ZNF724: variants seen among roughly 807,000 people sequenced by gnomAD.
ZNF724 encodes the protein zinc finger protein 724 pseudogene.
ZNF724 carries 14 observed loss-of-function variants against 29.3 expected under a neutral mutation model. The ratio of observed to expected loss-of-function variants is 0.48; its 90% CI spans 0.32 to 0.75. ZNF724 has a LOEUF of 0.75. Ranked by LOEUF, ZNF724 falls within the 30% of genes least tolerant of loss-of-function variation. ZNF724 has a pLI of 0.04. For missense variants in ZNF724, 557 were observed against 571.2 expected (o/e 0.98, Z 0.25); for synonymous variants, 180 against 193.6 (o/e 0.93, Z 0.58).
chr19:23,232,171 G>A lies in ZNF724; in HGVS notation c.126C>T (p.Phe42=), dbSNP rs1046529538. Residue 42 remains phenylalanine, a synonymous_variant, in exon 2 of 4, where the codon TTC becomes TTT. Coordinates refer to ENST00000418100, the MANE Select transcript of ZNF724 (RefSeq NM_001355404.2). ...GTGTATTGAAGTTATTCTCACCCAG[G>A]AAGACCAGGTTTCTGTAGTTCTCTA... The part of the protein sequence containing the change: ...VMLENYRNLV[F]LGIAVSKPDL... 12 of 1,345,556 alleles carry A rather than the reference G, an allele frequency of 8.9e-6. No individual in the cohort carries two copies. Among genetic ancestry groups the A allele is most frequent in the African/African-American group, 2.9e-5 (2 of 69,552 alleles). The allele number at this position is 1,345,556 out of a possible 1,614,324, so 83.4% of individuals were successfully genotyped here. A position where few individuals can be genotyped will look rare whatever the true frequency, so the allele number is the denominator to read the frequency against.
At chr19:23,249,253 T>TC (rs1189069342) in intron 1 of ZNF724, among the ~76,000 whole-genome samples, 3 of 150,962 alleles carry the variant, frequency 2.0e-5, no homozygotes, top group Non-Finnish European at 4.4e-5. Context: ...TTTTTTTTTT[T>TC]TTTTCTAGAC....
chr19:23,238,099 C>CA (rs1261340084), intron 1 of ZNF724, among the ~76,000 whole-genome samples: 1 of 152,052 alleles, frequency 6.6e-6, no homozygotes, highest in Non-Finnish European at 1.5e-5. Context: ...ACAACAACAA[C>CA]AAAACCTTGT....
At chr19:23,240,114 C>G (rs1972092922) in intron 1 of ZNF724, among the ~76,000 whole-genome samples, 1 of 151,686 alleles carries the variant, frequency 6.6e-6, no homozygotes, top group African/African-American at 2.4e-5. Flanking sequence ...GAGTTTGAGA[C>G]CAACCAGCCT....
chr19:23,222,747 G>C lies in ZNF724; in HGVS notation c.1498C>G (p.His500Asp), dbSNP rs746326916. The C allele has an allele frequency of 7.1e-7, 1 of 1,405,500 alleles. No individual in the cohort carries two copies. The highest frequency in any genetic ancestry group is 1.4e-5 in the African/African-American group (1 of 70,718). 87.1% of individuals were successfully genotyped at this position (1,405,500 alleles called of 1,614,324 possible). A position where few individuals can be genotyped will look rare whatever the true frequency, so the allele number is the denominator to read the frequency against. ...SSHLTTHKKIHTGEKPYKCKE... is the reference protein window; with the variant it reads ...SSHLTTHKKIDTGEKPYKCKE... ...CATTTGTAGGGTTTCTCTCCAGTATGAATTTTCTTATGTGTTGTAAGGTGT... is the reference window on the plus strand; with the variant it reads ...CATTTGTAGGGTTTCTCTCCAGTATCAATTTTCTTATGTGTTGTAAGGTGT... Residue 500 changes from histidine (H) to aspartate (D), a missense_variant, in exon 4 of 4, where the codon CAT becomes GAT. His to Asp is a moderately conservative substitution (Grantham distance 81). Transcript: ENST00000418100.
At chr19:23,227,280 C>T (rs1295204302) in intron 3 of ZNF724, among the ~76,000 whole-genome samples, 4 of 151,930 alleles carry the variant, frequency 2.6e-5, no homozygotes, top group South Asian at 2.1e-4. Flanking sequence ...GCAGGCCAGG[C>T]GTGGTGGCTC....
chr19:23,228,713 A>G (rs1271007994), intron 3 of ZNF724, among the ~76,000 whole-genome samples: 2 of 152,064 alleles, frequency 1.3e-5, no homozygotes, highest in Admixed American at 1.3e-4. Flanking sequence ...CAGCTGGCCA[A>G]CATCGTGAAA....
At chr19:23,224,446 C>T (rs912919734) in intron 3 of ZNF724, among the ~76,000 whole-genome samples, 1 of 151,760 alleles carries the variant, frequency 6.6e-6, no homozygotes, top group African/African-American at 2.4e-5. Flanking sequence ...AACTGCATAA[C>T]AAAATACCAA....
chr19:23,223,616 G>A lies in ZNF724; in HGVS notation c.629C>T (p.Ser210Phe), dbSNP rs117674814. The A allele has an allele frequency of 4.9e-4, 349 of 715,034 alleles. 2 individuals carry two copies. The East Asian group carries it at 7.9e-3, about 16-fold the overall frequency. The allele number at this position is 715,034 out of a possible 1,614,324, so 44.3% of individuals were successfully genotyped here. A position where few individuals can be genotyped will look rare whatever the true frequency, so the allele number is the denominator to read the frequency against. ...TCTCTTATGTTGAGAAAGGGTTGAG[G>A]ACACATTAAAGGCCTTGCCACATTC... ...LEECGKAFNV[S>F]STLSQHKRIH... The change falls in exon 4 of 4, where the codon TCC becomes TTC. Residue 210 changes from serine to phenylalanine, a missense_variant. Transcript: ENST00000418100.
chr19:23,237,103 T>G (rs983724557), intron 1 of ZNF724, among the ~76,000 whole-genome samples: 3 of 152,164 alleles, frequency 2.0e-5, no homozygotes, highest in African/African-American at 7.2e-5. Flanking sequence ...TCTGTCCACC[T>G]TGGCCTCCCA....
At chr19:23,228,878 A>G (rs1971885512) in intron 3 of ZNF724, among the ~76,000 whole-genome samples, 1 of 150,332 alleles carries the variant, frequency 6.7e-6, no homozygotes, top group African/African-American at 2.5e-5. Context: ...CGACAGAGCG[A>G]GACTCCAAGC....
intron 3 of ZNF724, among the ~76,000 whole-genome samples, chr19:23,228,050 T>C (rs1018267357): frequency 2.2e-4 from 34 of 152,188 alleles, no homozygotes; most frequent in African/African-American, 6.3e-4. Context: ...ACACCTGTAA[T>C]GACAGCTATA....
chr19:23,249,826 G>A (rs893654203), intron 1 of ZNF724, among the ~76,000 whole-genome samples: 3 of 152,154 alleles, frequency 2.0e-5, no homozygotes, highest in African/African-American at 7.2e-5. Context: ...GAACCAAAGC[G>A]CCCGGCCTGC....
Position 23,231,304 on chromosome 19 carries a change from C to T in ZNF724, c.188G>A (p.Trp63Ter). The stretch of plus-strand genomic sequence containing the variant: ...CACCATCTCATGTCTCTCCATATTC[C>T]AGGGCTCTTTGCCTTGCTCCAGACA... ...ITCLEQGKEP[W>*]NMERHEMVAK... Residue 63 changes from tryptophan to a stop codon, truncating the protein, a stop_gained, in exon 3 of 4, where the codon TGG (tryptophan) becomes TAG (stop). Coordinates refer to ENST00000418100, the MANE Select transcript of ZNF724 (RefSeq NM_001355404.2). LOFTEE classifies it low-confidence loss of function (END_TRUNC). The T allele has an allele frequency of 7.2e-7, 1 of 1,388,208 alleles. No homozygotes were observed. Among genetic ancestry groups the T allele is most frequent in the Non-Finnish European group, 1.0e-6 (1 of 976,638 alleles). The allele number at this position is 1,388,208 out of a possible 1,614,324, so 86.0% of individuals were successfully genotyped here.
At chr19:23,237,157 C>T (rs1287765612) in intron 1 of ZNF724, among the ~76,000 whole-genome samples, 1 of 152,016 alleles carries the variant, frequency 6.6e-6, no homozygotes, top group African/African-American at 2.4e-5. Context: ...CCAGCCTTCA[C>T]CAACGTTTTT....
intron 3 of ZNF724, among the ~76,000 whole-genome samples, chr19:23,226,218 G>GT (rs1268349115): frequency 6.6e-6 from 1 of 151,906 alleles, no homozygotes; most frequent in African/African-American, 2.4e-5. Flanking sequence ...TGCCAGGCTA[G>GT]TTTTTTGTAT....
intron 1 of ZNF724, among the ~76,000 whole-genome samples, chr19:23,248,247 T>C (rs774077349): frequency 6.6e-6 from 1 of 152,194 alleles, no homozygotes; most frequent in Non-Finnish European, 1.5e-5. Context: ...ATAATTAAAA[T>C]ACAGTATGAA....
chr19:23,232,712 T>TA (rs1288253755), intron 1 of ZNF724, among the ~76,000 whole-genome samples: 1 of 151,152 alleles, frequency 6.6e-6, no homozygotes. Flanking sequence ...AGATCTGGAA[T>TA]AAAGTCTGAG....
rs61241201 is a variant in ZNF724 at position 23,243,475 on chromosome 19, C to CAAAAA, written c.3+6760_3+6764dup. Among the ~76,000 whole-genome samples the CAAAAA allele has an allele frequency of 9.6e-4, 30 of 31,200 alleles. 4 individuals carry two copies. The highest frequency in any genetic ancestry group is 3.2e-3 in the African/African-American group (21 of 6,504). 20.5% of individuals were successfully genotyped at this position (31,200 alleles called of 152,430 possible). ...TGAGTGACAGAGCGAGAGTCCATCT[C>CAAAAA]AAAAAAAAAAAAAAAAAAAAAAAAA... On this transcript the variant is annotated intron_variant, in intron 1 of 3. Transcript: ENST00000418100.
rs950202377 is a variant in ZNF724, at chr19:23,224,550, A to G, written c.227-532T>C. On this transcript the variant is annotated intron_variant, in intron 3 of 3. Coordinates refer to ENST00000418100, the MANE Select transcript of ZNF724 (RefSeq NM_001355404.2). ...ATTTATAAATGAGTTAAGTGTGTACAGTGCCCCAGGAGGTGAGTACAATGC... is the reference window on the plus strand; with the variant it reads ...ATTTATAAATGAGTTAAGTGTGTACGGTGCCCCAGGAGGTGAGTACAATGC... Among the ~76,000 whole-genome samples, 4 of 152,228 alleles carry G rather than the reference A, an allele frequency of 2.6e-5. No homozygotes were observed. In the South Asian group the frequency reaches 6.2e-4, roughly 24 times the overall value.
Sources: allele counts gnomAD v4.1 joint callset (sites outside exome capture counted in the v4.1 genomes callset), GRCh38; gene constraint gnomAD v4.1.1; transcripts MANE v1.5; gene names NCBI Gene and HGNC (gene_info 2026-07-23, HGNC 2026-07-21).